The following TSPAN18 variants were observed in gnomAD, a reference collection of about 807,000 sequenced individuals.
TSPAN18 encodes tetraspanin 18.
In TSPAN18, 14 loss-of-function variants were observed where a neutral mutation model predicts 27.3. The observed-to-expected ratio is 0.51, with a 90% CI of 0.34 to 0.80. The LOEUF (loss-of-function observed/expected upper bound fraction) is 0.80, where lower values mean the gene tolerates loss of function less well. Among genes scored for constraint, TSPAN18 ranks in the 30% least tolerant of loss-of-function variants. The probability of loss-of-function intolerance (pLI) is 0.01; values close to 1 mark genes in which losing one functional copy is unlikely to be tolerated. For synonymous variants in TSPAN18, 143 were observed against 136.5 expected (o/e 1.05, Z -0.33); for missense variants, 268 against 323.9 (o/e 0.83, Z 1.32).
chr11:44,816,444 T>A (rs1240203764), intron 2 of TSPAN18, among the ~76,000 whole-genome samples: 7 of 152,246 alleles, frequency 4.6e-5, no homozygotes, highest in Non-Finnish European at 7.3e-5. Context: ...CTGGCACAGA[T>A]GAACATCAGA....
intron 3 of TSPAN18, among the ~76,000 whole-genome samples, chr11:44,887,147 C>G (rs1858684389): frequency 6.6e-6 from 1 of 152,230 alleles, no homozygotes; most frequent in African/African-American, 2.4e-5. Flanking sequence ...AGATGAAGAG[C>G]CTCAGCTCTG....
At chr11:44,754,722 G>A (rs1249065028) in intron 1 of TSPAN18, among the ~76,000 whole-genome samples, 1 of 152,254 alleles carries the variant, frequency 6.6e-6, no homozygotes, top group Non-Finnish European at 1.5e-5. Context: ...CTGTGGTTAA[G>A]ATGCCTGACT....
intron 9 of TSPAN18, among the ~76,000 whole-genome samples, chr11:44,928,045 C>A (rs1204642059): frequency 6.6e-6 from 1 of 152,196 alleles, no homozygotes; most frequent in Non-Finnish European, 1.5e-5. Context: ...GGTAGCCCCT[C>A]CCCACCCCAG....
intron 4 of TSPAN18, 162 bp from the exon 5 acceptor site, chr11:44,909,543 G>A (rs145441085): frequency 3.7e-5 from 24 of 646,522 alleles, no homozygotes; most frequent in East Asian, 1.4e-4. Context: ...TTCAAGGTGC[G>A]GCTGGGACTC....
At chr11:44,908,803 G>GAAAC in intron 4 of TSPAN18, among the ~76,000 whole-genome samples, 1 of 116,214 alleles carries the variant, frequency 8.6e-6, no homozygotes, top group South Asian at 2.9e-4. Context: ...AAGAAAGAAA[G>GAAAC]AAAGAAAGAA....
chr11:44,835,148 G>A (rs1033782686), intron 2 of TSPAN18, among the ~76,000 whole-genome samples: 2 of 152,212 alleles, frequency 1.3e-5, no homozygotes, highest in Non-Finnish European at 2.9e-5. Flanking sequence ...GAATGGCTTG[G>A]GCAGGCCTCT....
In TSPAN18 at chr11:44,906,395, T is replaced by C. The variant is rs745362975; in HGVS notation, c.-10-12T>C. The C allele has an allele frequency of 1.2e-6, 2 of 1,613,792 alleles. No homozygotes were observed. The highest frequency in any genetic ancestry group is 2.7e-5 in the African/African-American group (2 of 74,908). ...CCCCATCGGGAAGACTGAGGTGGCC[T>C]TGTATTTCTAGGTGGAGCACCATGG... On this transcript the variant is annotated splice_polypyrimidine_tract_variant and intron_variant, in intron 3 of 9. Transcript: ENST00000520358.
intron 3 of TSPAN18, among the ~76,000 whole-genome samples, chr11:44,871,718 T>C (rs1280644817): frequency 6.6e-6 from 1 of 152,200 alleles, no homozygotes; most frequent in East Asian, 1.9e-4. Flanking sequence ...GGCCAAAATG[T>C]GCCCTGTTCC....
intron 2 of TSPAN18, among the ~76,000 whole-genome samples, chr11:44,847,709 C>T (rs1565175394): frequency 6.6e-6 from 1 of 152,142 alleles, no homozygotes; most frequent in Admixed American, 6.5e-5. Flanking sequence ...CAGAGTATCA[C>T]TTTGAACTTC....
chr11:44,894,203 C>T (rs551762470), intron 3 of TSPAN18, among the ~76,000 whole-genome samples: 20 of 152,234 alleles, frequency 1.3e-4, no homozygotes, highest in Non-Finnish European at 2.6e-4. Flanking sequence ...CCCCACCTCC[C>T]AGATGCGGAG....
At chr11:44,789,860 C>T (rs1451496058) in intron 2 of TSPAN18, among the ~76,000 whole-genome samples, 1 of 152,212 alleles carries the variant, frequency 6.6e-6, no homozygotes, top group African/African-American at 2.4e-5. Flanking sequence ...GCCCTGCCCT[C>T]CTCCTAATTC....
chr11:44,898,905 C>CA (rs918962553), intron 3 of TSPAN18, among the ~76,000 whole-genome samples: 20 of 152,226 alleles, frequency 1.3e-4, no homozygotes, highest in Admixed American at 3.3e-4. Flanking sequence ...CATCCTTAAA[C>CA]ACCTGGTTTT....
At chr11:44,915,281 G>A (rs566713866) in intron 5 of TSPAN18, among the ~76,000 whole-genome samples, 2 of 152,326 alleles carry the variant, frequency 1.3e-5, no homozygotes, top group East Asian at 3.9e-4. Flanking sequence ...GGAAATGCCA[G>A]GACCCCTGCC....
At chr11:44,775,967 T>C (rs1855797038) in intron 2 of TSPAN18, among the ~76,000 whole-genome samples, 1 of 152,212 alleles carries the variant, frequency 6.6e-6, no homozygotes, top group Non-Finnish European at 1.5e-5. Flanking sequence ...ACCTCTGTTG[T>C]TGCCAATCTT....
chr11:44,737,376 A>G (rs1854822223), intron 1 of TSPAN18, among the ~76,000 whole-genome samples: 1 of 152,178 alleles, frequency 6.6e-6, no homozygotes, highest in African/African-American at 2.4e-5. Flanking sequence ...GATCACTTTC[A>G]GAATGTGGGG....
At chr11:44,852,843 ACT>A (rs1275771609) in intron 2 of TSPAN18, among the ~76,000 whole-genome samples, 1 of 152,200 alleles carries the variant, frequency 6.6e-6, no homozygotes, top group African/African-American at 2.4e-5. Context: ...CTGCAAATGA[ACT>A]GTGACAGATA....
chr11:44,895,503 T>G (rs1590645888), intron 3 of TSPAN18, among the ~76,000 whole-genome samples: 2 of 152,112 alleles, frequency 1.3e-5, no homozygotes, highest in Non-Finnish European at 2.9e-5. Context: ...GCATGGCAGG[T>G]GTCACTGGGC....
chr11:44,790,850 G>A (rs1361627722), intron 2 of TSPAN18, among the ~76,000 whole-genome samples: 3 of 152,186 alleles, frequency 2.0e-5, no homozygotes, highest in Non-Finnish European at 4.4e-5. Flanking sequence ...AGGGCCAGGA[G>A]GACAAATCAT....
At chr11:44,926,991 C>T (rs181383205) in intron 9 of TSPAN18, among the ~76,000 whole-genome samples, 90 of 152,272 alleles carry the variant, frequency 5.9e-4, no homozygotes, top group African/African-American at 1.9e-3. Flanking sequence ...ATGGGCAGGC[C>T]CTGAGTGTCA....
Sources: allele counts gnomAD v4.1 joint callset (sites outside exome capture counted in the v4.1 genomes callset), GRCh38; gene constraint gnomAD v4.1.1; transcripts MANE v1.5; gene names NCBI Gene and HGNC (gene_info 2026-07-23, HGNC 2026-07-21).